The following LRP4 variants were observed in gnomAD, a reference collection of about 807,000 sequenced individuals.
The protein encoded by LRP4 is low-density lipoprotein receptor-related protein 4.
In LRP4, 95 loss-of-function variants were observed where a neutral mutation model predicts 220.3. The ratio of observed to expected loss-of-function variants is 0.43; its 90% CI spans 0.37 to 0.51. The LOEUF (loss-of-function observed/expected upper bound fraction) is 0.51, where lower values mean the gene tolerates loss of function less well. Ranked by LOEUF, LRP4 falls within the 20% of genes least tolerant of loss-of-function variation. The pLI, the probability that LRP4 is intolerant of heterozygous loss-of-function variation, is 0.00. For missense variants in LRP4, 1,925 were observed against 2,567.0 expected, an observed-to-expected ratio of 0.75 and a Z score of 5.40; for synonymous variants, 903 against 954.6, an observed-to-expected ratio of 0.95 and a Z score of 1.00.
chr11:46,914,869 C>G (rs1047995483), intron 1 of LRP4, among the ~76,000 whole-genome samples: 1 of 152,032 alleles, frequency 6.6e-6, no homozygotes, highest in African/African-American at 2.4e-5. Flanking sequence ...GGGGCAGCAA[C>G]ATAAACAATT....
chr11:46,892,871 C>A, intron 13 of LRP4, 102 bp downstream of exon 13: 2 of 1,452,288 alleles, frequency 1.4e-6, no homozygotes, highest in Non-Finnish European at 1.9e-6. Context: ...CGCCCAGCTA[C>A]ACCACACTTT....
At chr11:46,870,715 C>A (rs1940840240) in intron 31 of LRP4, among the ~76,000 whole-genome samples, 1 of 152,220 alleles carries the variant, frequency 6.6e-6, no homozygotes, top group African/African-American at 2.4e-5. Flanking sequence ...AGCCACTACA[C>A]CTGGCCAAGA....
At chr11:46,884,024 C>A in intron 18 of LRP4, 48 bp from the exon 19 acceptor site, 1 of 1,458,690 alleles carries the variant, frequency 6.9e-7, no homozygotes, top group Non-Finnish European at 9.6e-7. Context: ...TTCATTCACC[C>A]TCTTACCTTC....
chr11:46,910,127 A>G (rs1008623401), intron 1 of LRP4, among the ~76,000 whole-genome samples: 11 of 152,168 alleles, frequency 7.2e-5, no homozygotes, highest in African/African-American at 2.2e-4. Context: ...TGCGGGTCCA[A>G]GCAAGTTCAG....
intron 30 of LRP4, among the ~76,000 whole-genome samples, chr11:46,871,840 G>A (rs1940874285): frequency 6.6e-6 from 1 of 152,072 alleles, no homozygotes; most frequent in African/African-American, 2.4e-5. Context: ...GCTGCTCTGG[G>A]GAGGCATAGA....
chr11:46,917,030 G>C (rs1006122052), intron 1 of LRP4, among the ~76,000 whole-genome samples: 15 of 152,314 alleles, frequency 9.8e-5, no homozygotes, highest in African/African-American at 3.1e-4. Flanking sequence ...CGCTAGAGAG[G>C]ACGCGGAAAA....
chr11:46,896,104 A>G, intron 9 of LRP4, 86 bp from the exon 10 acceptor site: 1 of 1,611,814 alleles, frequency 6.2e-7, no homozygotes, highest in East Asian at 2.2e-5. Flanking sequence ...ACCACAAAGA[A>G]CAGCTCCCAA....
At chr11:46,874,465 TG>T (rs1351359020) in intron 28 of LRP4, 8 of 274,984 alleles carry the variant, frequency 2.9e-5, no homozygotes, top group Non-Finnish European at 5.5e-5. Context: ...ATACAGATAC[TG>T]GTTATATGGC....
At chr11:46,894,887 T>G (rs1483425365) in intron 11 of LRP4, 68 bp from the exon 12 acceptor site, 3 of 1,361,180 alleles carry the variant, frequency 2.2e-6, no homozygotes, top group Non-Finnish European at 3.1e-6. Flanking sequence ...CATCAGCAGG[T>G]CTTCAGCTGA....
intron 1 of LRP4, among the ~76,000 whole-genome samples, chr11:46,911,203 C>G (rs1941853531): frequency 6.6e-6 from 1 of 152,030 alleles, no homozygotes. Flanking sequence ...TTGTACTAAT[C>G]CCATTATCTT....
In LRP4 at chr11:46,899,644, C is replaced by T; in HGVS notation, c.431-141G>A. ...GCACCCCAGAGTCAGTGCAGACTCT[C>T]CAGGGAGAACGGAGGCCCTGGAGAG... On this transcript the variant is annotated intron_variant, in intron 4 of 37. Coordinates refer to ENST00000378623, the MANE Select transcript of LRP4 (RefSeq NM_002334.4). The surrounding 1 kb of genome is among the most constrained non-coding windows in gnomAD (Gnocchi z 5.9). 1.3e-6 allele frequency: 1 copy of T among 766,400 alleles called. No homozygotes were observed. Among genetic ancestry groups the T allele is most frequent in the Non-Finnish European group, 2.3e-6 (1 of 434,658 alleles). 47.5% of individuals were successfully genotyped at this position (766,400 alleles called of 1,614,324 possible). A position where few individuals can be genotyped will look rare whatever the true frequency, so the allele number is the denominator to read the frequency against.
chr11:46,902,598 A>G (rs939232959), intron 2 of LRP4, among the ~76,000 whole-genome samples, 185 bp downstream of exon 2: 16 of 152,232 alleles, frequency 1.1e-4, no homozygotes, highest in Non-Finnish European at 1.9e-4. Context: ...CAAAAGAAAC[A>G]CAGGAGAGTT....
rs1205633560 is a variant in LRP4 at position 46,897,368 on chromosome 11, A to AT, written c.797-375dup. Among the ~76,000 whole-genome samples the AT allele has an allele frequency of 9.5e-3, 826 of 86,748 alleles. 11 individuals carry two copies. Among genetic ancestry groups the AT allele is most frequent in the South Asian group, 0.092 (240 of 2,596 alleles). 56.9% of individuals were successfully genotyped at this position (86,748 alleles called of 152,430 possible). ...TTTTTCTTTTTATTTTTTTATTTTT[A>AT]TTTTTTTTTATTTTTTAATTTTTTT... On this transcript the variant is annotated intron_variant, in intron 7 of 37. Coordinates refer to ENST00000378623, the MANE Select transcript of LRP4 (RefSeq NM_002334.4).
intron 34 of LRP4, among the ~76,000 whole-genome samples, chr11:46,866,474 T>C (rs934291105): frequency 6.6e-6 from 1 of 152,018 alleles, no homozygotes; most frequent in Admixed American, 6.6e-5. Context: ...TTTGTAGAGA[T>C]AGGATCTCAC....
In LRP4 at chr11:46,896,438, A is replaced by G. The variant is rs1243155101; in HGVS notation, c.923-103T>C. 4.2e-6 allele frequency: 6 copies of G among 1,432,998 alleles called. No homozygotes were observed. In the African/African-American group the frequency reaches 8.4e-5, roughly 20 times the overall value. 88.8% of individuals were successfully genotyped at this position (1,432,998 alleles called of 1,614,324 possible). A position where few individuals can be genotyped will look rare whatever the true frequency, so the allele number is the denominator to read the frequency against. On this transcript the variant is annotated intron_variant, in intron 8 of 37. Transcript: ENST00000378623. ...GTAAGCTGGAGACAGATGAGACTCA[A>G]GGTGGGAGGGTGAGGGTCCTGGGCA...
At chr11:46,892,881 T>G in intron 13 of LRP4, 92 bp downstream of exon 13, 1 of 1,501,536 alleles carries the variant, frequency 6.7e-7, no homozygotes, top group Non-Finnish European at 9.1e-7. Flanking sequence ...CACCACACTT[T>G]GAGGATGTAC....
At chr11:46,886,007 A>C in intron 18 of LRP4, 84 bp downstream of exon 18, 1 of 1,142,272 alleles carries the variant, frequency 8.8e-7, no homozygotes. Flanking sequence ...CAGGAGAGAC[A>C]CTGGGCTCCT....
chr11:46,861,667 A>C (rs537532644), intron 37 of LRP4, among the ~76,000 whole-genome samples: 1 of 152,022 alleles, frequency 6.6e-6, no homozygotes, highest in Admixed American at 6.6e-5. Flanking sequence ...CTGGGACTAC[A>C]GGCACAAGCC....
In LRP4 at chr11:46,858,886, A is replaced by C; in HGVS notation, c.*97T>G. 1 of 1,176,822 alleles carries C rather than the reference A, an allele frequency of 8.5e-7. No individual in the cohort carries two copies. The allele number at this position is 1,176,822 out of a possible 1,614,324, so 72.9% of individuals were successfully genotyped here. On this transcript the variant is annotated 3_prime_UTR_variant, in exon 38 of 38. Coordinates refer to ENST00000378623, the MANE Select transcript of LRP4 (RefSeq NM_002334.4). ...TATGGGGTGGGAGGAGGAGGAGGAC[A>C]AGCACACAGAAGCGGGGCCTGCGGT... is the stretch of plus-strand genomic sequence containing the variant.
Sources: allele counts gnomAD v4.1 joint callset (sites outside exome capture counted in the v4.1 genomes callset), GRCh38; gene constraint gnomAD v4.1.1; non-coding constraint Gnocchi (gnomAD v3.1); transcripts MANE v1.5; gene names NCBI Gene and HGNC (gene_info 2026-07-23, HGNC 2026-07-21).